Variants in C10orf67 observed in about 807,000 individuals in gnomAD.
C10orf67 encodes the protein chromosome 10 open reading frame 67, also known as uncharacterized protein C10orf67, mitochondrial.
C10orf67 carries 60 observed loss-of-function variants against 35.6 expected under a neutral mutation model. The ratio of observed to expected loss-of-function variants is 1.68; its 90% CI spans 1.37 to 2.09. The LOEUF (loss-of-function observed/expected upper bound fraction) is 2.09, where lower values mean the gene tolerates loss of function less well. Among genes scored for constraint, C10orf67 ranks in the 30% most tolerant of loss-of-function variants. The pLI is 0.00. For missense variants in C10orf67, 474 were observed against 330.2 expected (o/e 1.44, Z -3.38); for synonymous variants, 167 against 115.8 (o/e 1.44, Z -2.84).
In C10orf67 at chr10:23,275,986, T is replaced by C. The variant is rs567334585; in HGVS notation, c.975+6027A>G. The stretch of plus-strand genomic sequence containing the variant: ...CTCTCAATACATTGGAGTTGATACA[T>C]GAACTTATGTTTATTTGGAATCCCT... On this transcript the variant is annotated intron_variant, in intron 8 of 15. Coordinates refer to ENST00000636213, the MANE Select transcript of C10orf67 (RefSeq NM_001371909.1). 4.1e-4 allele frequency among the ~76,000 whole-genome samples: 63 copies of C among 152,308 alleles called. 1 individual carries two copies. The highest frequency in any genetic ancestry group is 1.5e-3 in the African/African-American group (63 of 41,560).
At chr10:23,261,434 C>A (rs191422447) in intron 10 of C10orf67, among the ~76,000 whole-genome samples, 83 of 152,274 alleles carry the variant, frequency 5.5e-4, no homozygotes, top group African/African-American at 2.0e-3. Context: ...ACCTCAGCCT[C>A]CTGAGTAGCT....
intron 12 of C10orf67, among the ~76,000 whole-genome samples, chr10:23,248,274 G>A (rs1842366184): frequency 6.6e-6 from 1 of 152,198 alleles, no homozygotes; most frequent in Non-Finnish European, 1.5e-5. Flanking sequence ...CATCACCGCG[G>A]CATCAGCCTG....
chr10:23,314,365 TA>T (rs767527414), intron 4 of C10orf67, among the ~76,000 whole-genome samples: 69 of 152,040 alleles, frequency 4.5e-4, no homozygotes, highest in Non-Finnish European at 8.8e-4. Context: ...CTCACACCTA[TA>T]ATCCCAGCAC....
At chr10:23,342,353 C>G (rs1845930247) in intron 1 of C10orf67, among the ~76,000 whole-genome samples, 1 of 152,128 alleles carries the variant, frequency 6.6e-6, no homozygotes, top group South Asian at 2.1e-4. Context: ...AGTTCATCAT[C>G]AATTCCTGAC....
At chr10:23,212,898 A>G (rs1841348444) in intron 15 of C10orf67, among the ~76,000 whole-genome samples, 1 of 152,124 alleles carries the variant, frequency 6.6e-6, no homozygotes, top group African/African-American at 2.4e-5. Context: ...AAGATCAGCT[A>G]TCAGAACATG....
At chr10:23,275,467 T>C (rs1197029251) in intron 8 of C10orf67, among the ~76,000 whole-genome samples, 1 of 152,188 alleles carries the variant, frequency 6.6e-6, no homozygotes, top group Non-Finnish European at 1.5e-5. Flanking sequence ...AACTCTCCCC[T>C]GCAGGCCTCT....
At chr10:23,299,671 C>T (rs1257643071) in intron 5 of C10orf67, among the ~76,000 whole-genome samples, 6 of 151,986 alleles carry the variant, frequency 3.9e-5, no homozygotes, top group Non-Finnish European at 7.4e-5. Flanking sequence ...CAATTGTCCA[C>T]GACAGGAGAG....
chr10:23,222,224 T>C (rs1389313786), intron 15 of C10orf67, among the ~76,000 whole-genome samples: 1 of 152,206 alleles, frequency 6.6e-6, no homozygotes, highest in Non-Finnish European at 1.5e-5. Flanking sequence ...GGCTGCCTTA[T>C]GTGTCATGTG....
Position 23,250,465 on chromosome 10 carries a change from G to A in C10orf67, c.1336C>T (p.Leu446Phe), listed in dbSNP as rs1842417975. 2.5e-6 allele frequency: 1 copy of A among 398,498 alleles called. No homozygotes were observed. The highest frequency in any genetic ancestry group is 1.3e-4 in the South Asian group (1 of 7,842). 24.7% of individuals were successfully genotyped at this position (398,498 alleles called of 1,614,324 possible). The change falls in exon 12 of 16, where the codon CTC becomes TTC. Residue 446 changes from leucine to phenylalanine, a missense_variant. Physicochemically the swap from Leu to Phe is conservative, Grantham distance 22 (BLOSUM62 0). Transcript: ENST00000636213. The part of the protein sequence containing the change: ...NKSWEKRFFI[L>F]RNSFHVLKNE... Reference sequence around the variant, plus strand: ...TATTTCACACCATACCTGTTCCTGAGAATAAAGAATCTCTTTTCCCAGCTT... The same window carrying A: ...TATTTCACACCATACCTGTTCCTGAAAATAAAGAATCTCTTTTCCCAGCTT...
chr10:23,228,340 A>G (rs980331459), intron 13 of C10orf67, among the ~76,000 whole-genome samples: 3 of 152,198 alleles, frequency 2.0e-5, no homozygotes, highest in Non-Finnish European at 4.4e-5. Flanking sequence ...GAAATGGGGA[A>G]AGGATTCCCT....
intron 7 of C10orf67, among the ~76,000 whole-genome samples, chr10:23,286,871 C>T (rs1588654760): frequency 6.6e-6 from 1 of 152,274 alleles, no homozygotes; most frequent in Non-Finnish European, 1.5e-5. Flanking sequence ...ATCAGGGAAA[C>T]ATCTCCCACC....
chr10:23,342,388 G>A (rs555164734), intron 1 of C10orf67, among the ~76,000 whole-genome samples: 10 of 152,066 alleles, frequency 6.6e-5, no homozygotes, highest in East Asian at 1.9e-4. Context: ...CACAAAGGCC[G>A]GGCTTTCGTC....
chr10:23,335,080 C>T (rs573081540), intron 1 of C10orf67, among the ~76,000 whole-genome samples: 44 of 151,536 alleles, frequency 2.9e-4, no homozygotes, highest in African/African-American at 1.0e-3. Flanking sequence ...CCCAGCTACT[C>T]GGGAGGCTGA....
intron 2 of C10orf67, among the ~76,000 whole-genome samples, chr10:23,329,954 G>A (rs1845381860): frequency 6.6e-6 from 1 of 152,122 alleles, no homozygotes; most frequent in Non-Finnish European, 1.5e-5. Context: ...GGAAGTCAAG[G>A]ATGGTTTACT....
chr10:23,319,895 G>C (rs1844876375), intron 4 of C10orf67, among the ~76,000 whole-genome samples: 1 of 152,204 alleles, frequency 6.6e-6, no homozygotes, highest in Non-Finnish European at 1.5e-5. Context: ...AGTTGGAAGT[G>C]CCCCTGTCAG....
chr10:23,301,931 T>C (rs1267385564), intron 5 of C10orf67, among the ~76,000 whole-genome samples: 1 of 152,132 alleles, frequency 6.6e-6, no homozygotes, highest in Non-Finnish European at 1.5e-5. Flanking sequence ...GGAGCGGCAA[T>C]GGGCGCCCCG....
intron 12 of C10orf67, among the ~76,000 whole-genome samples, chr10:23,240,170 G>A (rs1363325599): frequency 1.3e-5 from 2 of 152,054 alleles, no homozygotes; most frequent in South Asian, 2.1e-4. Flanking sequence ...CAGCCTGGAC[G>A]ACAGAGTGAG....
intron 15 of C10orf67, among the ~76,000 whole-genome samples, chr10:23,211,480 G>GTT (rs1193681718): frequency 3.4e-5 from 4 of 117,458 alleles, no homozygotes; most frequent in African/African-American, 1.6e-4. Context: ...TGTGTGTGTG[G>GTT]GGGGGGGGGG....
intron 13 of C10orf67, among the ~76,000 whole-genome samples, chr10:23,232,053 A>G (rs767718439): frequency 2.2e-4 from 33 of 152,330 alleles, no homozygotes; most frequent in Middle Eastern, 3.4e-3. Context: ...CCAGGAGGAA[A>G]TGAAGAGGAA....
Sources: gnomAD v4.1 joint callset for allele counts (sites outside exome capture counted in the v4.1 genomes callset) on GRCh38, gnomAD v4.1.1 for gene constraint, MANE v1.5 for transcripts, NCBI Gene and HGNC (gene_info 2026-07-23, HGNC 2026-07-21) for gene names.